The following ST6GAL2 variants were observed in gnomAD, a reference collection of about 807,000 sequenced individuals.
The protein encoded by ST6GAL2 is beta-galactoside alpha-2,6-sialyltransferase 2.
ST6GAL2 carries 24 observed loss-of-function variants against 37.5 expected under a neutral mutation model. The observed-to-expected ratio is 0.64, with a 90% CI of 0.46 to 0.90. ST6GAL2 has a LOEUF of 0.90. ST6GAL2 is among the 40% of genes least tolerant of loss of function. The probability of loss-of-function intolerance (pLI) is 0.00; values close to 1 mark genes in which losing one functional copy is unlikely to be tolerated. For synonymous variants in ST6GAL2, 306 were observed against 295.1 expected, an observed-to-expected ratio of 1.04 and a Z score of -0.38; for missense variants, 715 against 712.7, an observed-to-expected ratio of 1.00 and a Z score of -0.04.
chr2:106,883,252 G>GT (rs2104664312), intron 1 of ST6GAL2, among the ~76,000 whole-genome samples: 1 of 152,318 alleles, frequency 6.6e-6, no homozygotes, highest in Non-Finnish European at 1.5e-5. Flanking sequence ...TTCAAATTTT[G>GT]TAAGGGGCAT....
intron 1 of ST6GAL2, among the ~76,000 whole-genome samples, chr2:106,873,229 A>C (rs1252345323): frequency 6.7e-6 from 1 of 150,260 alleles, no homozygotes; most frequent in Non-Finnish European, 1.5e-5. Context: ...ACACACAGGT[A>C]GGGGACAGCA....
At chr2:106,854,822 A>T (rs188900473) in intron 1 of ST6GAL2, among the ~76,000 whole-genome samples, 13 of 152,208 alleles carry the variant, frequency 8.5e-5, no homozygotes, top group African/African-American at 3.1e-4. Context: ...TTTATTGTAT[A>T]AAGTGGCTAA....
intron 5 of ST6GAL2, among the ~76,000 whole-genome samples, chr2:106,812,902 T>C (rs973431497): frequency 4.4e-4 from 67 of 152,260 alleles, no homozygotes; most frequent in African/African-American, 1.6e-3. Flanking sequence ...AAGAAACTTT[T>C]ATGTTAAGTA....
chr2:106,886,183 C>G (rs947742185), upstream of ST6GAL2: 1 of 152,246 alleles, frequency 6.6e-6, no homozygotes, highest in Non-Finnish European at 1.5e-5. Flanking sequence ...CCAAGGCGTG[C>G]GTGTCACATT....
chr2:106,864,579 A>G (rs933690618), intron 1 of ST6GAL2, among the ~76,000 whole-genome samples: 1 of 152,240 alleles, frequency 6.6e-6, no homozygotes, highest in East Asian at 1.9e-4. Context: ...ATTCAGATAC[A>G]TTTCCAACAT....
intron 1 of ST6GAL2, among the ~76,000 whole-genome samples, chr2:106,877,528 T>G (rs1258615530): frequency 6.6e-6 from 1 of 152,226 alleles, no homozygotes; most frequent in East Asian, 1.9e-4. Flanking sequence ...TCATAAACAA[T>G]GGGGCCTGTG....
Position 106,843,739 on chromosome 2 carries a change from A to G in ST6GAL2, c.239T>C (p.Leu80Pro), listed in dbSNP as rs755520550. The G allele has an allele frequency of 1.1e-5, 17 of 1,612,026 alleles. No homozygotes were observed. The South Asian group carries it at 1.8e-4, about 17-fold the overall frequency. Residue 80 changes from leucine to proline, a missense_variant, in exon 2 of 6, where the codon CTG (leucine) becomes CCG (proline). Physicochemically the swap from Leu to Pro is moderately conservative, Grantham distance 98 (BLOSUM62 -3). Coordinates refer to ENST00000409382, the MANE Select transcript of ST6GAL2 (RefSeq NM_001142351.2). ...PPGGLDARQA[L>P]PRAHPAGSFH... ...GGAACCGGCTGGGTGGGCGCGGGGC[A>G]GCGCCTGGCGTGCGTCCAGGCCCCC...
At chr2:106,825,400 TTGTAACC>T (rs1341723104) in intron 5 of ST6GAL2, among the ~76,000 whole-genome samples, 2 of 152,224 alleles carry the variant, frequency 1.3e-5, no homozygotes, top group African/African-American at 2.4e-5. Context: ...GACAGTTTCA[TTGTAACC>T]TTATGAGACA....
rs114630011 is a variant in ST6GAL2 at position 106,831,794 on chromosome 2, G to A, written c.1143+771C>T. Reference sequence around the variant, plus strand: ...CTCACAGAAGCAAAGATCTTTCCCTGACACTCATCTTAAGAAGGTTGCATC... The same window carrying A: ...CTCACAGAAGCAAAGATCTTTCCCTAACACTCATCTTAAGAAGGTTGCATC... On this transcript the variant is annotated intron_variant, in intron 4 of 5. Coordinates refer to ENST00000409382, the MANE Select transcript of ST6GAL2 (RefSeq NM_001142351.2). 2.0e-3 allele frequency among the ~76,000 whole-genome samples: 303 copies of A among 152,282 alleles called. 2 individuals carry two copies. Among genetic ancestry groups the A allele is most frequent in the African/African-American group, 7.0e-3 (289 of 41,554 alleles).
chr2:106,835,336 T>C (rs963889167), intron 2 of ST6GAL2, among the ~76,000 whole-genome samples: 1 of 152,194 alleles, frequency 6.6e-6, no homozygotes, highest in Admixed American at 6.5e-5. Flanking sequence ...AGCCGCCTTC[T>C]TCCCTGAGTT....
At position 106,843,465 on chromosome 2, in the gene ST6GAL2, C is replaced by T; in HGVS notation, c.513G>A (p.Arg171=). 6.2e-7 allele frequency: 1 copy of T among 1,614,124 alleles called. No individual in the cohort carries two copies. Among genetic ancestry groups the T allele is most frequent in the Non-Finnish European group, 8.5e-7 (1 of 1,180,030 alleles). ...GAFPAAQVQR[R]RVKKRHRRQR... Reference sequence around the variant, plus strand: ...GCCTCCGGTGCCTCTTCTTCACCCGCCTCCTCTGGACCTGTGCAGCCGGAA... The same window carrying T: ...GCCTCCGGTGCCTCTTCTTCACCCGTCTCCTCTGGACCTGTGCAGCCGGAA... Residue 171 remains arginine, a synonymous_variant, in exon 2 of 6, where the codon AGG becomes AGA. Transcript: ENST00000409382.
chr2:106,885,380 G>A (rs537177256), intron 1 of ST6GAL2, among the ~76,000 whole-genome samples: 73 of 152,262 alleles, frequency 4.8e-4, no homozygotes, highest in Non-Finnish European at 9.3e-4. Flanking sequence ...AGCTTTGAAA[G>A]TTCAGCCTGA....
chr2:106,836,683 T>C (rs1676651822), intron 2 of ST6GAL2, among the ~76,000 whole-genome samples: 1 of 149,706 alleles, frequency 6.7e-6, no homozygotes. Context: ...ATCCCAACAC[T>C]TTGGGAGGAA....
chr2:106,835,484 T>G lies in ST6GAL2; in HGVS notation c.944-1338A>C, dbSNP rs551582831. Among the ~76,000 whole-genome samples the G allele has an allele frequency of 8.1e-4, 123 of 152,320 alleles. 2 individuals carry two copies. The South Asian group carries it at 0.025, about 31-fold the overall frequency. On this transcript the variant is annotated intron_variant, in intron 2 of 5. Coordinates refer to ENST00000409382, the MANE Select transcript of ST6GAL2 (RefSeq NM_001142351.2). Reference sequence around the variant, plus strand: ...AACTTAAAAAAATTCAAATTCCAGCTTTAGCACCAAAATTAATTCACTTTT... The same window carrying G: ...AACTTAAAAAAATTCAAATTCCAGCGTTAGCACCAAAATTAATTCACTTTT...
chr2:106,815,534 A>G (rs1208620903), intron 5 of ST6GAL2, among the ~76,000 whole-genome samples: 2 of 152,226 alleles, frequency 1.3e-5, no homozygotes, highest in Non-Finnish European at 2.9e-5. Context: ...ATAGGTCTTA[A>G]TGAAAGAACA....
At chr2:106,840,738 T>A (rs1230500521) in intron 2 of ST6GAL2, among the ~76,000 whole-genome samples, 1 of 152,188 alleles carries the variant, frequency 6.6e-6, no homozygotes, top group Non-Finnish European at 1.5e-5. Context: ...TTCCAAATTG[T>A]AAACAGAGTT....
chr2:106,838,648 A>T (rs1344638884), intron 2 of ST6GAL2, among the ~76,000 whole-genome samples: 2 of 152,196 alleles, frequency 1.3e-5, no homozygotes, highest in East Asian at 3.9e-4. Context: ...GACTCTGCAC[A>T]TGTGACTGGA....
chr2:106,848,692 A>G (rs970015163), intron 1 of ST6GAL2, among the ~76,000 whole-genome samples: 1 of 152,224 alleles, frequency 6.6e-6, no homozygotes, highest in Non-Finnish European at 1.5e-5. Flanking sequence ...TGAACTTGGG[A>G]AATTTCATGG....
rs1010536369 is a variant in ST6GAL2, at chr2:106,809,971, G to T, written c.1319-3022C>A. Among the ~76,000 whole-genome samples the T allele has an allele frequency of 1.1e-4, 17 of 152,076 alleles. 1 individual carries two copies. Among genetic ancestry groups the T allele is most frequent in the Non-Finnish European group, 5.9e-5 (4 of 68,022 alleles). ...GGTTGTTTTAACACACATATTTTTT[G>T]AAAACTGCTGAGGAATCCCTAAGTT... On this transcript the variant is annotated intron_variant, in intron 5 of 5. Transcript: ENST00000409382.
Sources: gnomAD v4.1 joint callset for allele counts (sites outside exome capture counted in the v4.1 genomes callset) on GRCh38, gnomAD v4.1.1 for gene constraint, MANE v1.5 for transcripts, NCBI Gene and HGNC (gene_info 2026-07-23, HGNC 2026-07-21) for gene names.